SLC25A26: variants seen among roughly 807,000 people sequenced by gnomAD.
The protein encoded by SLC25A26 is mitochondrial S-adenosylmethionine carrier protein.
A neutral mutation model predicts 37.8 loss-of-function variants in SLC25A26; 36 were observed. That is an observed-to-expected ratio of 0.95 (90% CI 0.73 to 1.26). The LOEUF is 1.26. SLC25A26 is among the 50% of genes most tolerant of loss of function. The pLI is 0.00. For synonymous variants in SLC25A26, 129 were observed against 122.5 expected (o/e 1.05, Z -0.35); for missense variants, 390 against 331.1 (o/e 1.18, Z -1.38).
chr3:66,189,492 A>T (rs1016629659), intron 1 of SLC25A26, among the ~76,000 whole-genome samples: 3 of 152,116 alleles, frequency 2.0e-5, no homozygotes, highest in African/African-American at 7.2e-5. Context: ...CCTGACCCTT[A>T]TAATGATTCT....
intron 5 of SLC25A26, among the ~76,000 whole-genome samples, chr3:66,296,595 T>TATAC (rs2074909500): frequency 2.0e-5 from 3 of 152,230 alleles, no homozygotes; most frequent in Non-Finnish European, 4.4e-5. Context: ...TGTGTGTGTA[T>TATAC]GCATAGTATA....
At chr3:66,349,583 G>A (rs28733137) in intron 6 of SLC25A26, among the ~76,000 whole-genome samples, 6,673 of 151,996 alleles carry the variant, frequency 0.044, 494 homozygotes, top group African/African-American at 0.15. Context: ...GTATGGATAT[G>A]CTACAATTTA....
At chr3:66,250,405 G>A (rs558486616) in intron 3 of SLC25A26, among the ~76,000 whole-genome samples, 4 of 152,340 alleles carry the variant, frequency 2.6e-5, no homozygotes, top group African/African-American at 9.6e-5. Flanking sequence ...CGTGACTTAC[G>A]ATGGTTCTAC....
At chr3:66,261,177 A>G (rs996542972) in intron 3 of SLC25A26, among the ~76,000 whole-genome samples, 6 of 152,234 alleles carry the variant, frequency 3.9e-5, no homozygotes, top group African/African-American at 1.4e-4. Context: ...TCTAAGTTGC[A>G]GAAAAAGTTT....
chr3:66,282,879 C>T (rs1452469097), intron 5 of SLC25A26, among the ~76,000 whole-genome samples: 2 of 152,126 alleles, frequency 1.3e-5, no homozygotes, highest in Non-Finnish European at 2.9e-5. Context: ...GCAACTTTAG[C>T]GATCTGTTCT....
chr3:66,164,384 C>G (rs1289728216), intron 1 of SLC25A26, among the ~76,000 whole-genome samples: 1 of 152,212 alleles, frequency 6.6e-6, no homozygotes, highest in Non-Finnish European at 1.5e-5. Context: ...GCTCCATTCT[C>G]ACAAATAACT....
chr3:66,158,501 C>T (rs1254362140), intron 1 of SLC25A26, among the ~76,000 whole-genome samples: 2 of 152,104 alleles, frequency 1.3e-5, no homozygotes, highest in African/African-American at 4.8e-5. Flanking sequence ...TACATTAACT[C>T]TATGTTGAAT....
chr3:66,346,035 A>C (rs977814921), intron 5 of SLC25A26, among the ~76,000 whole-genome samples: 3 of 152,152 alleles, frequency 2.0e-5, no homozygotes, highest in African/African-American at 7.2e-5. Flanking sequence ...TCTAAAGAAA[A>C]TATACAAAAA....
chr3:66,238,969 T>G (rs559528563), intron 2 of SLC25A26, among the ~76,000 whole-genome samples: 1 of 152,314 alleles, frequency 6.6e-6, no homozygotes, highest in African/African-American at 2.4e-5. Context: ...TAAAAATGAT[T>G]CTTTATGGTA....
chr3:66,281,021 C>T (rs915159720), intron 5 of SLC25A26, among the ~76,000 whole-genome samples: 2 of 152,158 alleles, frequency 1.3e-5, no homozygotes, highest in African/African-American at 4.8e-5. Flanking sequence ...ACTCAGGATA[C>T]AAGTGAACAA....
chr3:66,343,944 A>G (rs2076264546), intron 5 of SLC25A26, among the ~76,000 whole-genome samples: 4 of 152,336 alleles, frequency 2.6e-5, no homozygotes, highest in South Asian at 2.1e-4. Context: ...AAAAAACTCT[A>G]TTTAACTACT....
chr3:66,207,200 T>C (rs2071192629), intron 1 of SLC25A26, among the ~76,000 whole-genome samples: 1 of 152,138 alleles, frequency 6.6e-6, no homozygotes, highest in East Asian at 1.9e-4. Context: ...CCGCCTCACC[T>C]ACGTAAGTCA....
At chr3:66,267,067 C>T (rs921056957) in intron 5 of SLC25A26, among the ~76,000 whole-genome samples, 1 of 152,140 alleles carries the variant, frequency 6.6e-6, no homozygotes, top group African/African-American at 2.4e-5. Flanking sequence ...AACATTTCTG[C>T]CCTGAAGCAT....
intron 1 of SLC25A26, among the ~76,000 whole-genome samples, chr3:66,159,256 T>G (rs1211126036): frequency 6.6e-6 from 1 of 152,164 alleles, no homozygotes; most frequent in African/African-American, 2.4e-5. Flanking sequence ...TGTTTTAATG[T>G]TATTTGTTCC....
chr3:66,260,871 A>G (rs908529975), intron 3 of SLC25A26, among the ~76,000 whole-genome samples: 5 of 152,262 alleles, frequency 3.3e-5, no homozygotes, highest in Non-Finnish European at 7.3e-5. Flanking sequence ...AAACTGTAAA[A>G]TATTTCCTAT....
intron 1 of SLC25A26, among the ~76,000 whole-genome samples, chr3:66,171,702 C>A (rs2070502235): frequency 6.6e-6 from 1 of 152,150 alleles, no homozygotes; most frequent in South Asian, 2.1e-4. Context: ...GTTGCTCAGG[C>A]TGGTCTCAAA....
At chr3:66,256,777 C>G (rs968971486) in intron 3 of SLC25A26, among the ~76,000 whole-genome samples, 10 of 152,136 alleles carry the variant, frequency 6.6e-5, no homozygotes, top group Non-Finnish European at 1.0e-4. Flanking sequence ...CACCCGTAGT[C>G]CCAGCTCCGC....
chr3:66,266,283 G>A (rs1372534573), intron 5 of SLC25A26, among the ~76,000 whole-genome samples: 1 of 152,164 alleles, frequency 6.6e-6, no homozygotes, highest in Non-Finnish European at 1.5e-5. Context: ...AATAAGAAGT[G>A]ATACATCTGC....
chr3:66,162,362 T>TG (rs2070371517), intron 1 of SLC25A26, among the ~76,000 whole-genome samples: 1 of 114,364 alleles, frequency 8.7e-6, no homozygotes, highest in Non-Finnish European at 1.8e-5. Flanking sequence ...TTTTTTTTTG[T>TG]GGTTGGGCGG....
Sources: gnomAD v4.1 joint callset for allele counts (sites outside exome capture counted in the v4.1 genomes callset) on GRCh38, gnomAD v4.1.1 for gene constraint, MANE v1.5 for transcripts, NCBI Gene and HGNC (gene_info 2026-07-23, HGNC 2026-07-21) for gene names.